Variants in RPN2 observed in about 807,000 individuals in gnomAD.
RPN2 encodes the protein ribophorin II, also known as dolichyl-diphosphooligosaccharide--protein glycosyltransferase subunit 2.
A neutral mutation model predicts 71.4 loss-of-function variants in RPN2; 29 were observed. That is an observed-to-expected ratio of 0.41 (90% CI 0.30 to 0.55). The LOEUF (loss-of-function observed/expected upper bound fraction) is 0.55, where lower values mean the gene tolerates loss of function less well. RPN2 is among the 20% of genes least tolerant of loss of function. The pLI is 0.35. For missense variants in RPN2, 726 were observed against 774.1 expected (o/e 0.94, Z 0.74); for synonymous variants, 308 against 305.0 (o/e 1.01, Z -0.10).
intron 6 of RPN2, among the ~76,000 whole-genome samples, chr20:37,205,925 C>T (rs1456473071): frequency 6.6e-6 from 1 of 152,166 alleles, no homozygotes; most frequent in Non-Finnish European, 1.5e-5. Flanking sequence ...TGCTGCTAAC[C>T]AGGTACTTGG....
intron 1 of RPN2, among the ~76,000 whole-genome samples, chr20:37,183,070 A>T (rs1212224083): frequency 2.0e-5 from 3 of 152,208 alleles, no homozygotes; most frequent in Non-Finnish European, 4.4e-5. Context: ...TTAGCAGAGA[A>T]ATCAGACATT....
At chr20:37,211,481 A>G (rs2067665220) in intron 8 of RPN2, among the ~76,000 whole-genome samples, 1 of 151,284 alleles carries the variant, frequency 6.6e-6, no homozygotes, top group Non-Finnish European at 1.5e-5. Context: ...TCTACTAAAA[A>G]TACAAAAAAA....
chr20:37,226,687 A>G (rs1480787422), intron 11 of RPN2, among the ~76,000 whole-genome samples: 1 of 152,228 alleles, frequency 6.6e-6, no homozygotes, highest in East Asian at 1.9e-4. Flanking sequence ...AATAGGCTTT[A>G]TTTTTTTCAT....
chr20:37,202,448 C>T (rs1490053411), intron 4 of RPN2, among the ~76,000 whole-genome samples: 1 of 152,166 alleles, frequency 6.6e-6, no homozygotes, highest in Non-Finnish European at 1.5e-5. Context: ...CATTCCCTGA[C>T]ATATTGACTT....
chr20:37,222,206 C>T (rs1436946705), intron 9 of RPN2, among the ~76,000 whole-genome samples: 1 of 152,162 alleles, frequency 6.6e-6, no homozygotes, highest in Non-Finnish European at 1.5e-5. Flanking sequence ...CTCCTAGCTC[C>T]CTTCTTGGGG....
In RPN2 at chr20:37,198,474, G is replaced by T; in HGVS notation, c.285G>T (p.Gln95His). The change falls in exon 3 of 17, where the codon CAG (glutamine) becomes CAT (histidine). Residue 95 changes from glutamine (Q) to histidine (H), a missense_variant. By Grantham distance (24) the Gln-to-His change is conservative. Transcript: ENST00000237530. ...DSLFYAAQASQALSGCEISIS... is the reference protein window; with the variant it reads ...DSLFYAAQASHALSGCEISIS... ...TCTTCTACGCTGCCCAGGCCAGCCA[G>T]GCCCTCTCAGGATGTGAGGTGAGTC... 1 of 1,614,202 alleles carries T rather than the reference G, an allele frequency of 6.2e-7. No homozygotes were observed. The highest frequency in any genetic ancestry group is 8.5e-7 in the Non-Finnish European group (1 of 1,180,038).
intron 4 of RPN2, chr20:37,200,407 C>G: frequency 2.0e-6 from 1 of 496,364 alleles, no homozygotes; most frequent in Non-Finnish European, 4.1e-6. Context: ...TTTTTTTTGT[C>G]ATTTTATTTG....
intron 9 of RPN2, among the ~76,000 whole-genome samples, chr20:37,219,062 A>G (rs1479186553): frequency 6.6e-6 from 1 of 152,202 alleles, no homozygotes; most frequent in Non-Finnish European, 1.5e-5. Context: ...CCTGCGTCAT[A>G]TGGTAACTCG....
Position 37,182,670 on chromosome 20 carries a change from C to T in RPN2, c.14-1510C>T, listed in dbSNP as rs558176772. 5.3e-5 allele frequency among the ~76,000 whole-genome samples: 8 copies of T among 152,308 alleles called. No homozygotes were observed. In the South Asian group the frequency reaches 1.7e-3, roughly 32 times the overall value. ...TCAGCCTCCCCAAGTGTTGGGATTA[C>T]AGAAGTGAGCCAGTGCCGCTGGCCA... On this transcript the variant is annotated intron_variant, in intron 1 of 16. Coordinates refer to ENST00000237530, the MANE Select transcript of RPN2 (RefSeq NM_002951.5).
chr20:37,187,160 G>A (rs933462970), intron 2 of RPN2, among the ~76,000 whole-genome samples: 1 of 151,560 alleles, frequency 6.6e-6, no homozygotes, highest in Admixed American at 6.6e-5. Flanking sequence ...TTTTGATTGG[G>A]GAGTTTATTC....
At chr20:37,234,647 G>A (rs2146705833) in intron 15 of RPN2, among the ~76,000 whole-genome samples, 1 of 151,636 alleles carries the variant, frequency 6.6e-6, no homozygotes, top group African/African-American at 2.4e-5. Context: ...GATCAGGGGT[G>A]CCTTGCATTT....
chr20:37,196,233 A>G (rs1402234110), intron 2 of RPN2, among the ~76,000 whole-genome samples: 1 of 119,502 alleles, frequency 8.4e-6, no homozygotes, highest in African/African-American at 3.2e-5. Flanking sequence ...TCTCCCCCCC[A>G]CCTTTTTTTT....
intron 16 of RPN2, among the ~76,000 whole-genome samples, chr20:37,236,989 A>G (rs900716910): frequency 6.6e-6 from 1 of 152,218 alleles, no homozygotes; most frequent in Non-Finnish European, 1.5e-5. Context: ...GCATTCATAG[A>G]TGTGGCAGAA....
At chr20:37,180,585 C>T (rs1422465764) in intron 1 of RPN2, among the ~76,000 whole-genome samples, 2 of 152,138 alleles carry the variant, frequency 1.3e-5, no homozygotes, top group African/African-American at 2.4e-5. Context: ...CGCAGCCATT[C>T]ACTAGATCTT....
In RPN2 at chr20:37,228,932, A is replaced by G. The variant is rs574730429; in HGVS notation, c.1494+188A>G. 7.3e-5 allele frequency among the ~76,000 whole-genome samples: 11 copies of G among 151,478 alleles called. 1 individual carries two copies. In the South Asian group the frequency reaches 2.1e-3, roughly 29 times the overall value. ...GGGGTCATGCACGGGGCTTGGCAAC[A>G]TGGTACGTGCTTAATAAATATTAAG... On this transcript the variant is annotated intron_variant, in intron 12 of 16. Coordinates refer to ENST00000237530, the MANE Select transcript of RPN2 (RefSeq NM_002951.5).
intron 4 of RPN2, among the ~76,000 whole-genome samples, chr20:37,203,091 A>G (rs1420479098): frequency 2.0e-5 from 3 of 151,938 alleles, no homozygotes; most frequent in Non-Finnish European, 2.9e-5. Flanking sequence ...TGCCCAGCTA[A>G]TATTTAAATT....
At chr20:37,241,188 T>C (rs901153647) in intron 16 of RPN2, 115 bp from the exon 17 acceptor site, 4 of 1,188,868 alleles carry the variant, frequency 3.4e-6, no homozygotes, top group African/African-American at 3.0e-5. Flanking sequence ...TATTCCCTTA[T>C]AAATGGGATC....
intron 2 of RPN2, among the ~76,000 whole-genome samples, chr20:37,189,985 A>G: frequency 6.6e-6 from 1 of 152,174 alleles, no homozygotes; most frequent in East Asian, 1.9e-4. Context: ...AGAAAGAGCA[A>G]ATTGACTAGA....
chr20:37,217,963 T>A (rs543002542), intron 9 of RPN2, among the ~76,000 whole-genome samples: 5 of 151,992 alleles, frequency 3.3e-5, no homozygotes, highest in African/African-American at 1.2e-4. Flanking sequence ...CTCAAACTCC[T>A]GACCCTCAGG....
Sources: allele counts gnomAD v4.1 joint callset (sites outside exome capture counted in the v4.1 genomes callset), GRCh38; gene constraint gnomAD v4.1.1; transcripts MANE v1.5; gene names NCBI Gene and HGNC (gene_info 2026-07-23, HGNC 2026-07-21).